SUSD1: variants seen among roughly 807,000 people sequenced by gnomAD.
SUSD1 encodes the protein sushi domain-containing protein 1.
In SUSD1, 65 loss-of-function variants were observed where a neutral mutation model predicts 86.9. The ratio of observed to expected loss-of-function variants is 0.75; its 90% confidence interval spans 0.61 to 0.92. The LOEUF (loss-of-function observed/expected upper bound fraction) is 0.92. Ranked by LOEUF, SUSD1 falls within the 40% of genes least tolerant of loss-of-function variation. The pLI is 0.00. For synonymous variants in SUSD1, 346 were observed against 350.0 expected, an observed-to-expected ratio of 0.99 and a Z score of 0.13; for missense variants, 850 against 929.7, an observed-to-expected ratio of 0.91 and a Z score of 1.11.
At chr9:112,078,278 AG>A (rs1829607207) in intron 12 of SUSD1, among the ~76,000 whole-genome samples, 1 of 152,180 alleles carries the variant, frequency 6.6e-6, no homozygotes, top group Non-Finnish European at 1.5e-5. Flanking sequence ...GCCCAGGTCA[AG>A]GCTGCAGTGA....
chr9:112,152,751 C>CTTTTTTTTTTTTTTTTTTTT (rs71382410), intron 2 of SUSD1, among the ~76,000 whole-genome samples: 9 of 87,478 alleles, frequency 1.0e-4, no homozygotes, highest in East Asian at 3.5e-4. Context: ...TTTTTTTAAT[C>CTTTTTTTTTTTTTTTTTTTT]TTTTTTTTTT....
chr9:112,041,363 T>C lies in SUSD1; in HGVS notation c.*129A>G, dbSNP rs1413216037. ...TCCAGGAATGGGGCCCAGCTGGGAATGGAGAAAGTTGCAGGCCCACATGCT... is the reference window on the plus strand; with the variant it reads ...TCCAGGAATGGGGCCCAGCTGGGAACGGAGAAAGTTGCAGGCCCACATGCT... On this transcript the variant is annotated 3_prime_UTR_variant, in exon 17 of 17. Transcript: ENST00000374270. 2 of 748,978 alleles carry C rather than the reference T, an allele frequency of 2.7e-6. No individual in the cohort carries two copies. Among genetic ancestry groups the C allele is most frequent in the East Asian group, 5.0e-5 (2 of 40,338 alleles). 46.4% of individuals were successfully genotyped at this position (748,978 alleles called of 1,614,324 possible).
chr9:112,174,844 GC>G (rs1449408353), intron 1 of SUSD1, among the ~76,000 whole-genome samples: 1 of 151,756 alleles, frequency 6.6e-6, no homozygotes, highest in Non-Finnish European at 1.5e-5. Context: ...CCCCCACCCC[GC>G]CTCCTGGGCA....
At chr9:112,066,005 A>G (rs1322511494) in intron 12 of SUSD1, among the ~76,000 whole-genome samples, 1 of 152,204 alleles carries the variant, frequency 6.6e-6, no homozygotes, top group East Asian at 1.9e-4. Flanking sequence ...GCTCTGCGTG[A>G]CAATCATCTC....
intron 15 of SUSD1, chr9:112,052,144 G>C: frequency 1.4e-6 from 2 of 1,419,178 alleles, no homozygotes; most frequent in Non-Finnish European, 1.8e-6. Flanking sequence ...AAAATAGAAA[G>C]TCCCACTCAC....
chr9:112,134,801 C>T lies in SUSD1; in HGVS notation c.706+7519G>A, dbSNP rs1011964050. 2.2e-4 allele frequency among the ~76,000 whole-genome samples: 33 copies of T among 151,488 alleles called. No individual in the cohort carries two copies. The South Asian group carries it at 4.2e-3, about 19-fold the overall frequency. ...AAAAAAATGTGGCCAGGCACGGTGGCTCACCCCTGTAATCCCAGCATTTTG... is the reference window on the plus strand; with the variant it reads ...AAAAAAATGTGGCCAGGCACGGTGGTTCACCCCTGTAATCCCAGCATTTTG... On this transcript the variant is annotated intron_variant, in intron 5 of 16. Transcript: ENST00000374270.
intron 10 of SUSD1, among the ~76,000 whole-genome samples, chr9:112,083,472 C>T (rs750240303): frequency 6.6e-6 from 1 of 152,184 alleles, no homozygotes; most frequent in African/African-American, 2.4e-5. Flanking sequence ...AAGTGATCCG[C>T]CCACCTTGGC....
intron 14 of SUSD1, among the ~76,000 whole-genome samples, chr9:112,055,354 G>C (rs1478093521): frequency 6.6e-6 from 1 of 152,146 alleles, no homozygotes. Context: ...TGACCCCAGG[G>C]AGGTCAAGGC....
At chr9:112,158,165 C>A (rs921539511) in intron 1 of SUSD1, among the ~76,000 whole-genome samples, 4 of 152,086 alleles carry the variant, frequency 2.6e-5, no homozygotes, top group African/African-American at 9.7e-5. Flanking sequence ...ACATACTCCT[C>A]CAGCCTCATT....
Position 112,084,733 on chromosome 9 carries a change from C to T in SUSD1, c.1475-4568G>A, listed in dbSNP as rs570605705. Among the ~76,000 whole-genome samples, 17 of 152,250 alleles carry T rather than the reference C, an allele frequency of 1.1e-4. No individual in the cohort carries two copies. In the South Asian group the frequency reaches 3.1e-3, roughly 28 times the overall value. On this transcript the variant is annotated intron_variant, in intron 10 of 16. Transcript: ENST00000374270. ...GATCCTTTGCTATGAAAGATACGTG[C>T]GGTGGTCTCTCATACAAATCTTCCT...
At chr9:112,042,830 A>G (rs1239354481) in intron 15 of SUSD1, among the ~76,000 whole-genome samples, 1 of 152,214 alleles carries the variant, frequency 6.6e-6, no homozygotes, top group African/African-American at 2.4e-5. Flanking sequence ...CAGCCAGGTT[A>G]AGAGGAGTGC....
intron 10 of SUSD1, among the ~76,000 whole-genome samples, chr9:112,089,179 AAG>A (rs1830102175): frequency 6.6e-6 from 1 of 152,238 alleles, no homozygotes; most frequent in South Asian, 2.1e-4. Context: ...GAGAAAACAG[AAG>A]AGAGGGCGTT....
At chr9:112,111,000 T>C (rs1831074658) in intron 8 of SUSD1, among the ~76,000 whole-genome samples, 1 of 151,740 alleles carries the variant, frequency 6.6e-6, no homozygotes, top group African/African-American at 2.4e-5. Context: ...TTTTTTGGGT[T>C]TTTTTTGAGA....
chr9:112,148,535 C>A (rs889414724), intron 3 of SUSD1, among the ~76,000 whole-genome samples: 1 of 152,086 alleles, frequency 6.6e-6, no homozygotes, highest in African/African-American at 2.4e-5. Context: ...GCCACTCACC[C>A]CAAGGACCCC....
chr9:112,043,478 C>A (rs530167088), intron 15 of SUSD1, among the ~76,000 whole-genome samples: 9 of 152,258 alleles, frequency 5.9e-5, no homozygotes, highest in African/African-American at 2.2e-4. Flanking sequence ...TCCCCTACCC[C>A]CTACCCACTA....
intron 1 of SUSD1, among the ~76,000 whole-genome samples, chr9:112,160,601 T>C (rs868110066): frequency 1.5e-4 from 23 of 152,144 alleles, no homozygotes; most frequent in African/African-American, 5.1e-4. Context: ...CAGTGGCTCA[T>C]GCCTGTAATC....
intron 2 of SUSD1, 138 bp from the exon 3 acceptor site, chr9:112,149,537 TCTC>T: frequency 9.9e-7 from 1 of 1,012,030 alleles, no homozygotes; most frequent in Non-Finnish European, 1.5e-6. Context: ...TCCAGCCTCT[TCTC>T]CTTTCACGAT....
chr9:112,111,168 A>G (rs1831080672), intron 8 of SUSD1, among the ~76,000 whole-genome samples: 1 of 151,748 alleles, frequency 6.6e-6, no homozygotes, highest in African/African-American at 2.4e-5. Flanking sequence ...AAGTTTTTCT[A>G]TTTTCAGTAG....
In SUSD1 at chr9:112,111,733, T is replaced by C; in HGVS notation, c.1092A>G (p.Pro364=). ...RTPEVCLALY[P]GTNYTVNIST... ...AGATGTTCACGGTGTAGTTGGTGCC[T>C]GGGTACAGGGCTAGGCACACTTCTG... Residue 364 remains proline (P), a synonymous_variant, in exon 8 of 17, where the codon CCA becomes CCG. Coordinates refer to ENST00000374270, the MANE Select transcript of SUSD1 (RefSeq NM_022486.5). 6.2e-7 allele frequency: 1 copy of C among 1,614,094 alleles called. No homozygotes were observed. Among genetic ancestry groups the C allele is most frequent in the Non-Finnish European group, 8.5e-7 (1 of 1,179,958 alleles).
Sources: gnomAD v4.1 joint callset for allele counts (sites outside exome capture counted in the v4.1 genomes callset) on GRCh38, gnomAD v4.1.1 for gene constraint, MANE v1.5 for transcripts, NCBI Gene and HGNC (gene_info 2026-07-23, HGNC 2026-07-21) for gene names.